The following CPN2 variants were observed in gnomAD, a reference collection of about 807,000 sequenced individuals.
The protein encoded by CPN2 is carboxypeptidase N 83 kDa chain.
For missense variants in CPN2, 620 were observed against 671.4 expected (o/e 0.92, Z 0.85); for synonymous variants, 336 against 318.4 (o/e 1.06, Z -0.59).
In CPN2 at chr3:194,341,764, G is replaced by C; in HGVS notation, c.939C>G (p.Ser313=). The C allele has an allele frequency of 6.2e-7, 1 of 1,614,144 alleles. No individual in the cohort carries two copies. The highest frequency in any genetic ancestry group is 8.5e-7 in the Non-Finnish European group (1 of 1,180,030). ...ATGAGAGCATGAGGGAACGCAGGTT[G>C]GACAGGTGGGCAAAGGTGCCCTCAG... ...TVAEGTFAHL[S]NLRSLMLSYN... is the part of the protein sequence containing the mutation. The change falls in exon 2 of 2, where the codon TCC becomes TCG. Residue 313 remains serine (S), a synonymous_variant. Coordinates refer to ENST00000323830, the MANE Select transcript of CPN2 (RefSeq NM_001080513.4).
At chr3:194,350,588 T>C (rs757961877) in intron 1 of CPN2, among the ~76,000 whole-genome samples, 1 of 152,218 alleles carries the variant, frequency 6.6e-6, no homozygotes, top group Non-Finnish European at 1.5e-5. Context: ...ACACAGCGCC[T>C]GGCACATACT....
intron 1 of CPN2, among the ~76,000 whole-genome samples, chr3:194,347,198 G>GTT (rs773471342): frequency 2.7e-5 from 4 of 146,008 alleles, no homozygotes; most frequent in African/African-American, 1.1e-4. Context: ...TTTTAAATGG[G>GTT]GTTTTTTTTT....
At chr3:194,343,979 C>T (rs1050638571) in intron 1 of CPN2, among the ~76,000 whole-genome samples, 1 of 152,228 alleles carries the variant, frequency 6.6e-6, no homozygotes, top group African/African-American at 2.4e-5. Context: ...AAGAAAGAAG[C>T]TCTTTCACAA....
Position 194,342,113 on chromosome 3 carries a change from G to C in CPN2, c.590C>G (p.Thr197Ser). 1 of 1,614,170 alleles carries C rather than the reference G, an allele frequency of 6.2e-7. No individual in the cohort carries two copies. The highest frequency in any genetic ancestry group is 2.2e-5 in the East Asian group (1 of 44,870). The change falls in exon 2 of 2, where the codon ACC becomes AGC. Residue 197 changes from threonine to serine, a missense_variant. Transcript: ENST00000323830. ...ELFHPLTSLQ[T>S]LKLSNNALSG... ...GAGCGCGTTGTTGCTCAGCTTCAGG[G>C]TCTGCAGGCTGGTGAGTGGGTGGAA...
chr3:194,350,334 C>T, intron 1 of CPN2, among the ~76,000 whole-genome samples: 1 of 152,178 alleles, frequency 6.6e-6, no homozygotes, highest in East Asian at 1.9e-4. Flanking sequence ...AGTGACTTCG[C>T]ATCTCAGGCC....
At position 194,342,415 on chromosome 3, in the gene CPN2, C is replaced by A; in HGVS notation, c.288G>T (p.Leu96=). The A allele has an allele frequency of 6.2e-7, 1 of 1,614,218 alleles. No individual in the cohort carries two copies. Among genetic ancestry groups the A allele is most frequent in the East Asian group, 2.2e-5 (1 of 44,882 alleles). The change falls in exon 2 of 2, where the codon CTG becomes CTT. Residue 96 remains leucine, a synonymous_variant. Coordinates refer to ENST00000323830, the MANE Select transcript of CPN2 (RefSeq NM_001080513.4). The stretch of plus-strand genomic sequence containing the variant: ...TGACCTCCAGGTCCTCCAGCCTGGG[C>A]AGCCCCCCGAAGGCATCCGGCCTAA... ...CQFRPDAFGG[L]PRLEDLEVTG...
intron 1 of CPN2, among the ~76,000 whole-genome samples, chr3:194,348,817 G>A (rs1713151558): frequency 6.6e-6 from 1 of 151,868 alleles, no homozygotes. Flanking sequence ...GCTTGAGACT[G>A]GGAGGTCGAG....
rs12940 is a variant in CPN2 at position 194,340,087 on chromosome 3, C to T, written c.*978G>A. The stretch of plus-strand genomic sequence containing the variant: ...GAATGTTCAGGTTAAGATAAAGGAT[C>T]GTGGAGGCCAAGTTTTATTGTGCAG... On this transcript the variant is annotated 3_prime_UTR_variant, in exon 2 of 2. Transcript: ENST00000323830. 49,900 of 152,044 alleles carry T rather than the reference C, an allele frequency of 0.33. 8,465 individuals carry two copies. The highest frequency in any genetic ancestry group is 0.39 in the Non-Finnish European group (26,478 of 67,976). The allele number at this position is 152,044 out of a possible 1,614,324, so 9.4% of individuals were successfully genotyped here. A position where few individuals can be genotyped will look rare whatever the true frequency, so the allele number is the denominator to read the frequency against.
At chr3:194,350,918 C>T (rs986285827) in intron 1 of CPN2, among the ~76,000 whole-genome samples, 5 of 151,940 alleles carry the variant, frequency 3.3e-5, no homozygotes, top group African/African-American at 1.2e-4. Flanking sequence ...TATTATTATG[C>T]CAAGATGACA....
chr3:194,345,836 C>G (rs1045118092), intron 1 of CPN2, among the ~76,000 whole-genome samples: 3 of 152,250 alleles, frequency 2.0e-5, no homozygotes, highest in African/African-American at 7.2e-5. Context: ...AGCTGAGCTG[C>G]TCCCTGGCTT....
At position 194,342,121 on chromosome 3, in the gene CPN2, G is replaced by T; in HGVS notation, c.582C>A (p.Ser194Arg). The T allele has an allele frequency of 6.2e-7, 1 of 1,614,164 alleles. No homozygotes were observed. The change falls in exon 2 of 2, where the codon AGC becomes AGA. Residue 194 changes from serine to arginine, a missense_variant. Physicochemically the swap from Ser to Arg is moderately radical, Grantham distance 110. Coordinates refer to ENST00000323830, the MANE Select transcript of CPN2 (RefSeq NM_001080513.4). ...LPEELFHPLT[S>R]LQTLKLSNNA... The stretch of plus-strand genomic sequence containing the variant: ...TGTTGCTCAGCTTCAGGGTCTGCAG[G>T]CTGGTGAGTGGGTGGAACAGCTCCT...
Position 194,342,714 on chromosome 3 carries a change from G to C in CPN2, c.-3-9C>G. 8.7e-7 allele frequency: 1 copy of C among 1,144,512 alleles called. No homozygotes were observed. Among genetic ancestry groups the C allele is most frequent in the Non-Finnish European group, 1.3e-6 (1 of 778,658 alleles). 70.9% of individuals were successfully genotyped at this position (1,144,512 alleles called of 1,614,324 possible). A position where few individuals can be genotyped will look rare whatever the true frequency, so the allele number is the denominator to read the frequency against. On this transcript the variant is annotated splice_polypyrimidine_tract_variant and intron_variant, in intron 1 of 1. Coordinates refer to ENST00000323830, the MANE Select transcript of CPN2 (RefSeq NM_001080513.4). ...GCTCCAGGGAGCATCTTCTAGATTC[G>C]AGGAGGGAGAGAGAACAGGAAGAGA...
Position 194,342,523 on chromosome 3 carries a change from C to A in CPN2, c.180G>T (p.Ser60=), listed in dbSNP as rs753175943. Residue 60 remains serine (S), a synonymous_variant, in exon 2 of 2, where the codon TCG becomes TCT. Transcript: ENST00000323830. ...YTKNIIFVET[S]FTTLETRAFG... Reference sequence around the variant, plus strand: ...AAGCTCTGGTTTCCAATGTGGTGAACGAGGTCTCCACAAAGATGATGTTTT... The same window carrying A: ...AAGCTCTGGTTTCCAATGTGGTGAAAGAGGTCTCCACAAAGATGATGTTTT... 6.2e-7 allele frequency: 1 copy of A among 1,614,136 alleles called. No homozygotes were observed. Among genetic ancestry groups the A allele is most frequent in the Admixed American group, 1.7e-5 (1 of 60,018 alleles).
chr3:194,342,427 G>A lies in CPN2; in HGVS notation c.276C>T (p.Ala92=). The A allele has an allele frequency of 6.2e-7, 1 of 1,614,228 alleles. No homozygotes were observed. The highest frequency in any genetic ancestry group is 8.5e-7 in the Non-Finnish European group (1 of 1,180,036). ...CCTCCAGCCTGGGCAGCCCCCCGAA[G>A]GCATCCGGCCTAAACTGGCAGAGCT... ...NTQLCQFRPD[A]FGGLPRLEDL... Residue 92 remains alanine (A), a synonymous_variant, in exon 2 of 2, where the codon GCC becomes GCT. Coordinates refer to ENST00000323830, the MANE Select transcript of CPN2 (RefSeq NM_001080513.4).
rs750607173 is a variant in CPN2, at chr3:194,341,478, A to T, written c.1225T>A (p.Trp409Arg). The change falls in exon 2 of 2, where the codon TGG becomes AGG. Residue 409 changes from tryptophan to arginine, a missense_variant. By Grantham distance (101) the Trp-to-Arg change is moderately radical. Coordinates refer to ENST00000323830, the MANE Select transcript of CPN2 (RefSeq NM_001080513.4). ...CDCHLAYLFNWLQQYTDRLLN... is the reference protein window; with the variant it reads ...CDCHLAYLFNRLQQYTDRLLN... ...AGCCGATCGGTGTACTGCTGCAGCC[A>T]GTTGAAGAGGTAGGCCAGGTGGCAG... 37 of 1,614,072 alleles carry T rather than the reference A, an allele frequency of 2.3e-5. No homozygotes were observed. The highest frequency in any genetic ancestry group is 3.1e-5 in the Non-Finnish European group (37 of 1,180,032).
chr3:194,342,255 G>GCT lies in CPN2; in HGVS notation c.447_448insAG (p.Leu150SerfsTer20). The GCT allele has an allele frequency of 6.2e-7, 1 of 1,613,932 alleles. No homozygotes were observed. Among genetic ancestry groups the GCT allele is most frequent in the South Asian group, 1.1e-5 (1 of 91,072 alleles). ...TGGAGCTGGTTCCCCTGCAGGTGGA[G>GCT]GGACTCCAGGGCAGCCAGGTGCTGG... On this transcript the variant is annotated frameshift_variant, in exon 2 of 2. Transcript: ENST00000323830. LOFTEE classifies it low-confidence loss of function (END_TRUNC).
chr3:194,347,720 G>T (rs1463847632), intron 1 of CPN2, among the ~76,000 whole-genome samples: 1 of 37,460 alleles, frequency 2.7e-5, no homozygotes, highest in African/African-American at 1.2e-4. Flanking sequence ...CACCCCATCT[G>T]CTGCCCTGGC....
intron 1 of CPN2, among the ~76,000 whole-genome samples, chr3:194,345,027 CT>C (rs1398700161): frequency 1.3e-5 from 2 of 152,176 alleles, no homozygotes; most frequent in Admixed American, 6.5e-5. Context: ...GAAGCCACCC[CT>C]GACCCTAGGA....
intron 1 of CPN2, among the ~76,000 whole-genome samples, chr3:194,344,415 G>A (rs1000402367): frequency 5.3e-5 from 8 of 152,212 alleles, no homozygotes; most frequent in African/African-American, 1.4e-4. Flanking sequence ...TGACTCCTGC[G>A]GCCAGGCGCA....
Sources: gnomAD v4.1 joint callset for allele counts (sites outside exome capture counted in the v4.1 genomes callset) on GRCh38, gnomAD v4.1.1 for gene constraint, MANE v1.5 for transcripts, NCBI Gene and HGNC (gene_info 2026-07-23, HGNC 2026-07-21) for gene names.